LIMCH1: variants seen among roughly 807,000 people sequenced by gnomAD.
The protein encoded by LIMCH1 is LIM and calponin homology domains 1, also known as LIM and calponin homology domains-containing protein 1.
A neutral mutation model predicts 176.5 loss-of-function variants in LIMCH1; 113 were observed. That is an observed-to-expected ratio of 0.64 (90% CI 0.55 to 0.75). The LOEUF is 0.75. LIMCH1 is among the 30% of genes least tolerant of loss of function. LIMCH1 has a pLI of 0.00. For synonymous variants in LIMCH1, 619 were observed against 645.9 expected, an observed-to-expected ratio of 0.96 and a Z score of 0.63; for missense variants, 1,674 against 1,814.9, an observed-to-expected ratio of 0.92 and a Z score of 1.41.
chr4:41,379,999 T>C (rs535647252), intron 1 of LIMCH1, among the ~76,000 whole-genome samples: 22 of 152,224 alleles, frequency 1.4e-4, no homozygotes, highest in African/African-American at 4.6e-4. Context: ...GGTTTTGCCA[T>C]GTTGGCCAGG....
In LIMCH1 at chr4:41,661,484, A is replaced by G. The variant is rs755532451; in HGVS notation, c.3101A>G (p.Lys1034Arg). 3 of 1,612,608 alleles carry G rather than the reference A, an allele frequency of 1.9e-6. No homozygotes were observed. Among genetic ancestry groups the G allele is most frequent in the African/African-American group, 1.3e-5 (1 of 74,976 alleles). ...AAGAATGATGGTGGAAAATCAAGAA[A>G]AGGGAATATAGAACTTGCCTCATCA... is the stretch of plus-strand genomic sequence containing the variant. ...EDKNDGGKSRKGNIELASSEP... is the reference protein window; with the variant it reads ...EDKNDGGKSRRGNIELASSEP... The change falls in exon 19 of 32, where the codon AAA (lysine) becomes AGA (arginine). Residue 1034 changes from lysine to arginine, a missense_variant. Lys to Arg is a conservative substitution (Grantham distance 26, BLOSUM62 2). Around this residue, in one of 3 missense-constraint regions of LIMCH1, gnomAD observed 1,015 missense variants for 1,102.5 expected, o/e 0.92. Transcript: ENST00000503057.
At chr4:41,529,172 T>A (rs750438183) in intron 3 of LIMCH1, among the ~76,000 whole-genome samples, 4 of 152,220 alleles carry the variant, frequency 2.6e-5, no homozygotes, top group Non-Finnish European at 4.4e-5. Context: ...TCGAGCCACA[T>A]CTTGAAACTC....
At chr4:41,609,374 G>C (rs1348996893) in intron 4 of LIMCH1, among the ~76,000 whole-genome samples, 1 of 151,876 alleles carries the variant, frequency 6.6e-6, no homozygotes, top group African/African-American at 2.4e-5. Context: ...CTGGAATGTT[G>C]TGAACTAGAA....
At chr4:41,659,980 A>G (rs898099006) in intron 18 of LIMCH1, among the ~76,000 whole-genome samples, 2 of 152,158 alleles carry the variant, frequency 1.3e-5, no homozygotes, top group African/African-American at 4.8e-5. Context: ...ACATTTTGGA[A>G]TATATAAAAT....
intron 1 of LIMCH1, among the ~76,000 whole-genome samples, chr4:41,477,437 T>C (rs1456746525): frequency 1.3e-5 from 2 of 152,178 alleles, no homozygotes; most frequent in Non-Finnish European, 2.9e-5. Context: ...GCAGCTGTGG[T>C]AGCTCTGACT....
At chr4:41,527,699 T>A (rs1401100490) in intron 3 of LIMCH1, among the ~76,000 whole-genome samples, 1 of 151,828 alleles carries the variant, frequency 6.6e-6, no homozygotes, top group Non-Finnish European at 1.5e-5. Flanking sequence ...GGTGGGCGCC[T>A]GTAGTCCCAG....
chr4:41,604,110 A>T, intron 3 of LIMCH1: 1 of 739,776 alleles, frequency 1.4e-6, no homozygotes, highest in Non-Finnish European at 1.7e-6. Context: ...CTCTTTATTT[A>T]GATAAGTGCT....
At chr4:41,651,747 AG>A (rs1459069960) in intron 18 of LIMCH1, among the ~76,000 whole-genome samples, 1 of 152,250 alleles carries the variant, frequency 6.6e-6, no homozygotes, top group African/African-American at 2.4e-5. Flanking sequence ...AAAAGCTGAA[AG>A]TAATGTAAAG....
intron 1 of LIMCH1, among the ~76,000 whole-genome samples, chr4:41,448,978 C>G (rs1327708124): frequency 6.6e-6 from 1 of 151,872 alleles, no homozygotes; most frequent in Non-Finnish European, 1.5e-5. Context: ...TGTACTGATA[C>G]AGTATTACAT....
intron 1 of LIMCH1, among the ~76,000 whole-genome samples, chr4:41,402,426 C>T (rs566071506): frequency 2.7e-5 from 4 of 149,706 alleles, no homozygotes; most frequent in Non-Finnish European, 4.4e-5. Context: ...GGCGATTCCT[C>T]AGGGATCTAG....
chr4:41,547,863 G>GTGTATATATA (rs774873739), intron 1 of LIMCH1, among the ~76,000 whole-genome samples: 145 of 93,200 alleles, frequency 1.6e-3, no homozygotes, highest in African/African-American at 4.7e-3. Context: ...TTGTGTGTGT[G>GTGTATATATA]TATATATATA....
chr4:41,685,471 ACT>A (rs968739239), intron 27 of LIMCH1, among the ~76,000 whole-genome samples: 24 of 152,326 alleles, frequency 1.6e-4, no homozygotes, highest in African/African-American at 5.8e-4. Flanking sequence ...ATTTTAAAGT[ACT>A]GTTTTATGAC....
chr4:41,440,722 G>T (rs753424200), intron 1 of LIMCH1, among the ~76,000 whole-genome samples: 1 of 152,016 alleles, frequency 6.6e-6, no homozygotes, highest in Non-Finnish European at 1.5e-5. Context: ...TAGTAGAGGT[G>T]GGGTTTTGCC....
intron 1 of LIMCH1, among the ~76,000 whole-genome samples, chr4:41,547,628 T>C (rs1228343818): frequency 1.4e-5 from 2 of 146,762 alleles, no homozygotes; most frequent in Non-Finnish European, 3.0e-5. Flanking sequence ...ACAGATATTA[T>C]AAATATATAC....
intron 1 of LIMCH1, among the ~76,000 whole-genome samples, chr4:41,582,718 A>T (rs6447094): frequency 0.35 from 52,748 of 152,136 alleles, 14,598 homozygotes; most frequent in African/African-American, 0.77. Context: ...AATATACATA[A>T]ATTGCTTAGA....
chr4:41,515,088 C>T (rs1436678296), intron 2 of LIMCH1, among the ~76,000 whole-genome samples: 2 of 152,300 alleles, frequency 1.3e-5, no homozygotes, highest in East Asian at 1.9e-4. Flanking sequence ...AGCAGACTCC[C>T]CTTTCTCTGT....
chr4:41,500,487 T>C (rs1265498836), intron 2 of LIMCH1, among the ~76,000 whole-genome samples: 1 of 152,228 alleles, frequency 6.6e-6, no homozygotes, highest in Non-Finnish European at 1.5e-5. Flanking sequence ...ATAGCAGGCC[T>C]GTTTTACAAA....
rs532348458 is a variant in LIMCH1 at position 41,581,046 on chromosome 4, C to T, written c.-240-17874C>T. Among the ~76,000 whole-genome samples the T allele has an allele frequency of 6.6e-4, 100 of 152,230 alleles. No individual in the cohort carries two copies. The South Asian group carries it at 9.3e-3, about 14-fold the overall frequency. ...CATTCAAAAGGATTCCAGAGCCAGA[C>T]GGTTACAGAGATAACCTTTAAAGAA... is the stretch of plus-strand genomic sequence containing the variant. On this transcript the variant is annotated intron_variant, in intron 1 of 31. Coordinates refer to ENST00000503057, the MANE Select transcript of LIMCH1 (RefSeq NM_001330672.2).
intron 4 of LIMCH1, among the ~76,000 whole-genome samples, chr4:41,610,317 T>C (rs2091274744): frequency 6.6e-6 from 1 of 152,174 alleles, no homozygotes; most frequent in Admixed American, 6.5e-5. Context: ...ACCAAGGAAC[T>C]TGTAGCTGTG....
Sources: gnomAD v4.1 joint callset for allele counts (sites outside exome capture counted in the v4.1 genomes callset) on GRCh38, gnomAD v4.1.1 for gene constraint, gnomAD v4.1.1 regional missense constraint, MANE v1.5 for transcripts, NCBI Gene and HGNC (gene_info 2026-07-23, HGNC 2026-07-21) for gene names.